TBC1D17: variants seen among roughly 807,000 people sequenced by gnomAD.
The protein encoded by TBC1D17 is TBC1 domain family member 17, also known as TBC1 domain family, member 17.
In TBC1D17, 69 loss-of-function variants were observed where a neutral mutation model predicts 78.8. The ratio of observed to expected loss-of-function variants is 0.88; its 90% CI spans 0.72 to 1.07. The LOEUF (loss-of-function observed/expected upper bound fraction) is 1.07, where lower values mean the gene tolerates loss of function less well. Among genes scored for constraint, TBC1D17 ranks in the 50% least tolerant of loss-of-function variants. The pLI, the probability that TBC1D17 is intolerant of heterozygous loss-of-function variation, is 0.00. For synonymous variants in TBC1D17, 456 were observed against 358.3 expected (o/e 1.27, Z -3.08); for missense variants, 957 against 861.0 (o/e 1.11, Z -1.39).
intron 13 of TBC1D17, 128 bp downstream of exon 13, chr19:49,884,886 C>A: frequency 1.2e-6 from 1 of 809,116 alleles, no homozygotes; most frequent in Admixed American, 2.5e-5. Context: ...CCCCACACAA[C>A]CTAGAATGTA....
rs2122445208 is a variant in TBC1D17, at chr19:49,882,396, C to G, written c.794C>G (p.Ser265Cys). Reference protein sequence around the residue: ...DEPEPGFEVISCVELGPRPTV... With the variant: ...DEPEPGFEVICCVELGPRPTV... ...CCCGAGCCTGGATTCGAGGTCATTTCCTGTGTGAGTAGTGAGTGGACCCTC... is the reference window on the plus strand; with the variant it reads ...CCCGAGCCTGGATTCGAGGTCATTTGCTGTGTGAGTAGTGAGTGGACCCTC... Residue 265 changes from serine (S) to cysteine (C), a missense_variant, in exon 7 of 17, where the codon TCC (serine) becomes TGC (cysteine). Ser to Cys is a moderately radical substitution (Grantham distance 112). Coordinates refer to ENST00000221543, the MANE Select transcript of TBC1D17 (RefSeq NM_024682.3). The G allele has an allele frequency of 6.2e-7, 1 of 1,604,470 alleles. No individual in the cohort carries two copies. The highest frequency in any genetic ancestry group is 1.3e-5 in the African/African-American group (1 of 75,016).
In TBC1D17 at chr19:49,882,899, G is replaced by A; in HGVS notation, c.927+7G>A. On this transcript the variant is annotated splice_region_variant and intron_variant, in intron 8 of 16. Transcript: ENST00000221543. ...GAACCGGATCTTCTCGGGGGTGAGT[G>A]CCAGGACAGGTGGAAGAATGGGGCA... is the stretch of plus-strand genomic sequence containing the variant. The A allele has an allele frequency of 2.5e-6, 4 of 1,602,486 alleles. No homozygotes were observed. Among genetic ancestry groups the A allele is most frequent in the Non-Finnish European group, 3.4e-6 (4 of 1,174,734 alleles).
Position 49,888,516 on chromosome 19 carries a change from G to T in TBC1D17, c.1839G>T (p.Ser613=). The change falls in exon 17 of 17, where the codon TCG becomes TCT. Residue 613 remains serine, a synonymous_variant. Transcript: ENST00000221543. ...PSPTASPLPL[S]PTRAPPTPPP... ...CCACCGCCTCCCCGCTGCCTCTGTCGCCCACCCGGGCCCCGCCCACCCCGC... is the reference window on the plus strand; with the variant it reads ...CCACCGCCTCCCCGCTGCCTCTGTCTCCCACCCGGGCCCCGCCCACCCCGC... 6.5e-7 allele frequency: 1 copy of T among 1,531,632 alleles called. No homozygotes were observed. The highest frequency in any genetic ancestry group is 1.9e-5 in the Admixed American group (1 of 51,678). 94.9% of individuals were successfully genotyped at this position (1,531,632 alleles called of 1,614,324 possible). A position where few individuals can be genotyped will look rare whatever the true frequency, so the allele number is the denominator to read the frequency against.
rs930801760 is a variant in TBC1D17 at position 49,881,257 on chromosome 19, C to T, written c.320-11C>T. ...CCACGCGCTTCCCCCAACACAGTGC[C>T]GTCTCCCTAGGTGCAGAGCCCAGCT... On this transcript the variant is annotated splice_polypyrimidine_tract_variant and intron_variant, in intron 4 of 16. Coordinates refer to ENST00000221543, the MANE Select transcript of TBC1D17 (RefSeq NM_024682.3). 16 of 1,609,054 alleles carry T rather than the reference C, an allele frequency of 9.9e-6. No individual in the cohort carries two copies. Among genetic ancestry groups the T allele is most frequent in the African/African-American group, 1.3e-5 (1 of 74,766 alleles).
intron 3 of TBC1D17, 139 bp from the exon 4 acceptor site, chr19:49,880,140 G>C: frequency 9.1e-7 from 1 of 1,096,170 alleles, no homozygotes. Flanking sequence ...TTACAGGCGT[G>C]AGCCACCGCA....
At chr19:49,882,499 G>A (rs1600448143) in intron 7 of TBC1D17, 99 bp downstream of exon 7, 6 of 1,512,284 alleles carry the variant, frequency 4.0e-6, no homozygotes, top group Non-Finnish European at 4.4e-6. Flanking sequence ...GGTAAAACGG[G>A]GATGGTAATG....
chr19:49,877,839 G>A (rs780652306), intron 1 of TBC1D17, 95 bp downstream of exon 1: 2 of 1,434,264 alleles, frequency 1.4e-6, no homozygotes, highest in Non-Finnish European at 1.9e-6. Context: ...TCGAGAATCC[G>A]GCACGGCCTT....
In TBC1D17 at chr19:49,888,544, C is replaced by A. The variant is rs1268952195; in HGVS notation, c.1867C>A (p.Pro623Thr). The part of the protein sequence containing the change: ...SPTRAPPTPP[P>T]STDTAPQPDS... ...CACCCGGGCCCCGCCCACCCCGCCG[C>A]CCTCCACGGACACAGCCCCGCAGCC... The change falls in exon 17 of 17, where the codon CCC becomes ACC. Residue 623 changes from proline (P) to threonine (T), a missense_variant. By Grantham distance (38) the Pro-to-Thr change is conservative. Transcript: ENST00000221543. 2 of 1,537,000 alleles carry A rather than the reference C, an allele frequency of 1.3e-6. No individual in the cohort carries two copies. Among genetic ancestry groups the A allele is most frequent in the Non-Finnish European group, 1.7e-6 (2 of 1,146,306 alleles).
rs2122441238 is a variant in TBC1D17 at position 49,881,924 on chromosome 19, G to A, written c.528-117G>A. 12 of 853,016 alleles carry A rather than the reference G, an allele frequency of 1.4e-5. No homozygotes were observed. In the South Asian group the frequency reaches 1.6e-4, roughly 12 times the overall value. 52.8% of individuals were successfully genotyped at this position (853,016 alleles called of 1,614,324 possible). On this transcript the variant is annotated intron_variant, in intron 5 of 16. Coordinates refer to ENST00000221543, the MANE Select transcript of TBC1D17 (RefSeq NM_024682.3). ...TTTAACAGCATTCCCTGAAATGAGG[G>A]GTTGCCCAGGGGTGGTTGGGACGCT... is the stretch of plus-strand genomic sequence containing the variant.
chr19:49,884,703 C>G lies in TBC1D17; in HGVS notation c.1389C>G (p.Leu463=), dbSNP rs773431469. The G allele has an allele frequency of 3.9e-5, 63 of 1,614,002 alleles. No individual in the cohort carries two copies. The highest frequency in any genetic ancestry group is 5.0e-5 in the Non-Finnish European group (59 of 1,180,040). Residue 463 remains leucine (L), a synonymous_variant, in exon 13 of 17, where the codon CTC becomes CTG. Coordinates refer to ENST00000221543, the MANE Select transcript of TBC1D17 (RefSeq NM_024682.3). ...EESQETMKRQ[L]GRLLLLLRVL... is the part of the protein sequence containing the mutation. Reference sequence around the variant, plus strand: ...GCCAGGAGACCATGAAGCGGCAACTCGGGCGACTGCTGCTGCTCCTGAGGG... The same window carrying G: ...GCCAGGAGACCATGAAGCGGCAACTGGGGCGACTGCTGCTGCTCCTGAGGG...
rs766669857 is a variant in TBC1D17 at position 49,882,325 on chromosome 19, G to T, written c.723G>T (p.Gln241His). The T allele has an allele frequency of 6.2e-7, 1 of 1,611,304 alleles. No homozygotes were observed. The highest frequency in any genetic ancestry group is 2.2e-5 in the East Asian group (1 of 44,884). The change falls in exon 7 of 17, where the codon CAG (glutamine) becomes CAT (histidine). Residue 241 changes from glutamine (Q) to histidine (H), a missense_variant. Physicochemically the swap from Gln to His is conservative, Grantham distance 24. Coordinates refer to ENST00000221543, the MANE Select transcript of TBC1D17 (RefSeq NM_024682.3). ...TCTTCCGGGGTGCCCTGCAGCCACA[G>T]CCTGAGGGAGCCGCCTCCGACCTTC... ...TNFFRGALQP[Q>H]PEGAASDLPP...
rs779368014 is a variant in TBC1D17 at position 49,881,457 on chromosome 19, G to T, written c.509G>T (p.Arg170Leu). 3.0e-5 allele frequency: 49 copies of T among 1,609,518 alleles called. No homozygotes were observed. The South Asian group carries it at 5.2e-4, about 17-fold the overall frequency. The change falls in exon 5 of 17, where the codon CGC becomes CTC. Residue 170 changes from arginine (R) to leucine (L), a missense_variant. Physicochemically the swap from Arg to Leu is moderately radical, Grantham distance 102. Coordinates refer to ENST00000221543, the MANE Select transcript of TBC1D17 (RefSeq NM_024682.3). ...GTRALLRVLS[R>L]YLLLASSPQD... ...CGCGCCCTGCTCCGCGTCCTCAGCC[G>T]CTACCTGCTGTTGGCCAGGTGAGCT... is the stretch of plus-strand genomic sequence containing the variant.
rs2075081963 is a variant in TBC1D17 at position 49,888,331 on chromosome 19, C to G, written c.1746+14C>G. 6.4e-7 allele frequency: 1 copy of G among 1,550,620 alleles called. No homozygotes were observed. The highest frequency in any genetic ancestry group is 1.2e-5 in the South Asian group (1 of 84,238). Reference sequence around the variant, plus strand: ...ACCGCCTGCCCCGTGAGTCCCCGTCCGCCCCGCAGCGCCCCGCCCGAACCC... The same window carrying G: ...ACCGCCTGCCCCGTGAGTCCCCGTCGGCCCCGCAGCGCCCCGCCCGAACCC... On this transcript the variant is annotated intron_variant, in intron 16 of 16. Transcript: ENST00000221543.
At chr19:49,878,672 G>A (rs1322820985) in intron 3 of TBC1D17, 100 bp downstream of exon 3, 3 of 1,131,262 alleles carry the variant, frequency 2.7e-6, no homozygotes, top group Non-Finnish European at 2.6e-6. Context: ...AGACCTACTC[G>A]TGGGGCATGT....
At chr19:49,882,731 C>T (rs368910294) in intron 7 of TBC1D17, 33 bp from the exon 8 acceptor site, 85 of 1,504,530 alleles carry the variant, frequency 5.6e-5, no homozygotes, top group Non-Finnish European at 6.7e-5. Context: ...ACCACCCCGC[C>T]GAGCCCCAGG....
chr19:49,888,514 T>A lies in TBC1D17; in HGVS notation c.1837T>A (p.Ser613Thr). 6.4e-7 allele frequency: 1 copy of A among 1,550,534 alleles called. No homozygotes were observed. The highest frequency in any genetic ancestry group is 8.7e-7 in the Non-Finnish European group (1 of 1,153,544). Reference sequence around the variant, plus strand: ...GCCCACCGCCTCCCCGCTGCCTCTGTCGCCCACCCGGGCCCCGCCCACCCC... The same window carrying A: ...GCCCACCGCCTCCCCGCTGCCTCTGACGCCCACCCGGGCCCCGCCCACCCC... Reference protein sequence around the residue: ...PSPTASPLPLSPTRAPPTPPP... With the variant: ...PSPTASPLPLTPTRAPPTPPP... The change falls in exon 17 of 17, where the codon TCG becomes ACG. Residue 613 changes from serine (S) to threonine (T), a missense_variant. Ser to Thr is a moderately conservative substitution (Grantham distance 58). Coordinates refer to ENST00000221543, the MANE Select transcript of TBC1D17 (RefSeq NM_024682.3).
chr19:49,882,813 A>T lies in TBC1D17; in HGVS notation c.848A>T (p.Glu283Val). The change falls in exon 8 of 17, where the codon GAG becomes GTG. Residue 283 changes from glutamate to valine, a missense_variant. Transcript: ENST00000221543. ...GTGGAGCGGGGCCCTCCAGTTACAG[A>T]GGAGGAGTGGGCACGCCACGTGGGC... ...PTVERGPPVT[E>V]EEWARHVGPE... 3.1e-6 allele frequency: 5 copies of T among 1,607,930 alleles called. No individual in the cohort carries two copies. Among genetic ancestry groups the T allele is most frequent in the Non-Finnish European group, 4.2e-6 (5 of 1,177,628 alleles).
Position 49,882,150 on chromosome 19 carries a change from T to A in TBC1D17, c.637T>A (p.Ser213Thr). The A allele has an allele frequency of 6.2e-7, 1 of 1,613,998 alleles. No individual in the cohort carries two copies. The highest frequency in any genetic ancestry group is 8.5e-7 in the Non-Finnish European group (1 of 1,179,978). The change falls in exon 6 of 17, where the codon TCA becomes ACA. Residue 213 changes from serine (S) to threonine (T), a missense_variant and splice_region_variant. Coordinates refer to ENST00000221543, the MANE Select transcript of TBC1D17 (RefSeq NM_024682.3). ...TGACCAGGACAGCTCCAATGTGGTG[T>A]CAGTGAGTGTCCCCAGCAGGAGGCC... ...LFDQDSSNVVSRFLQDPYSTT... is the reference protein window; with the variant it reads ...LFDQDSSNVVTRFLQDPYSTT...
At chr19:49,877,811 T>C in intron 1 of TBC1D17, 67 bp downstream of exon 1, 9 of 1,528,012 alleles carry the variant, frequency 5.9e-6, no homozygotes, top group Non-Finnish European at 7.1e-6. Context: ...GATCAGCTCT[T>C]CTCTCAGGCC....
Sources: allele counts gnomAD v4.1 joint callset, GRCh38; gene constraint gnomAD v4.1.1; transcripts MANE v1.5; gene names NCBI Gene and HGNC (gene_info 2026-07-23, HGNC 2026-07-21).